Variants in ADAMTSL1 observed in about 807,000 individuals in gnomAD.
ADAMTSL1 encodes ADAMTS-like protein 1.
ADAMTSL1 carries 126 observed loss-of-function variants against 201.8 expected under a neutral mutation model. The ratio of observed to expected loss-of-function variants is 0.62; its 90% CI spans 0.54 to 0.72. The LOEUF (loss-of-function observed/expected upper bound fraction) is 0.72. Ranked by LOEUF, ADAMTSL1 falls within the 30% of genes least tolerant of loss-of-function variation. The probability of loss-of-function intolerance (pLI) is 0.00; values close to 1 mark genes in which losing one functional copy is unlikely to be tolerated. For synonymous variants in ADAMTSL1, 1,121 were observed against 903.4 expected (o/e 1.24, Z -4.32); for missense variants, 2,679 against 2,277.8 (o/e 1.18, Z -3.59).
At chr9:18,259,493 C>G (rs1002657151) in intron 2 of ADAMTSL1, among the ~76,000 whole-genome samples, 1 of 146,434 alleles carries the variant, frequency 6.8e-6, no homozygotes, top group Non-Finnish European at 1.5e-5. Context: ...GCCTGTATGA[C>G]AGAATAACTC....
intron 15 of ADAMTSL1, chr9:18,723,942 C>T (rs1008312952): frequency 4.6e-5 from 7 of 152,182 alleles, no homozygotes; most frequent in African/African-American, 1.7e-4. Context: ...TGTTTTCCCA[C>T]ACAACCCACA....
At chr9:18,834,678 T>C (rs1825201872) in intron 23 of ADAMTSL1, among the ~76,000 whole-genome samples, 1 of 152,134 alleles carries the variant, frequency 6.6e-6, no homozygotes, top group Non-Finnish European at 1.5e-5. Flanking sequence ...TGATCTGATT[T>C]ATGTCGGGGT....
chr9:18,598,029 C>T (rs1824377557), intron 4 of ADAMTSL1, among the ~76,000 whole-genome samples: 1 of 152,156 alleles, frequency 6.6e-6, no homozygotes, highest in Non-Finnish European at 1.5e-5. Context: ...TGTGGACTGA[C>T]TGCTTGTGAT....
chr9:18,767,780 A>T (rs541218139), intron 16 of ADAMTSL1, among the ~76,000 whole-genome samples: 1 of 152,324 alleles, frequency 6.6e-6, no homozygotes, highest in South Asian at 2.1e-4. Flanking sequence ...CTAAAATTAA[A>T]ATTTGCTTCT....
intron 1 of ADAMTSL1, among the ~76,000 whole-genome samples, chr9:17,930,389 T>C (rs1354550946): frequency 1.3e-5 from 2 of 152,170 alleles, no homozygotes; most frequent in African/African-American, 4.8e-5. Context: ...GCATCACTTC[T>C]GCCCACGTCT....
In ADAMTSL1 at chr9:18,910,190, T is replaced by A. The variant is rs902645189; in HGVS notation, c.*1642T>A. On this transcript the variant is annotated 3_prime_UTR_variant, in exon 29 of 29. Coordinates refer to ENST00000380548, the MANE Select transcript of ADAMTSL1 (RefSeq NM_001040272.6). ...CCCCACCTAGTGAGCTGTGGACAGG[T>A]TTAAGTTGGGTCTCCTTCTTCTTCA... The A allele has an allele frequency of 1.3e-5, 2 of 152,068 alleles. No homozygotes were observed. The highest frequency in any genetic ancestry group is 2.9e-5 in the Non-Finnish European group (2 of 68,016). The allele number at this position is 152,068 out of a possible 1,614,324, so 9.4% of individuals were successfully genotyped here.
chr9:18,317,685 C>T (rs1189823166), intron 2 of ADAMTSL1, among the ~76,000 whole-genome samples: 1 of 152,222 alleles, frequency 6.6e-6, no homozygotes, highest in African/African-American at 2.4e-5. Flanking sequence ...CTTCAGCACC[C>T]AGCCTGCTCA....
chr9:18,906,858 T>A lies in ADAMTSL1; in HGVS notation c.5128T>A (p.Trp1710Arg). 1 of 1,614,014 alleles carries A rather than the reference T, an allele frequency of 6.2e-7. No homozygotes were observed. Among genetic ancestry groups the A allele is most frequent in the Non-Finnish European group, 8.5e-7 (1 of 1,179,888 alleles). Residue 1710 changes from tryptophan to arginine, a missense_variant, in exon 28 of 29, where the codon TGG (tryptophan) becomes AGG (arginine). Trp to Arg is a moderately radical substitution (Grantham distance 101). Coordinates refer to ENST00000380548, the MANE Select transcript of ADAMTSL1 (RefSeq NM_001040272.6). ...GGCAGTGCCTGAGCACCTGTGCTCC[T>A]GGGGGCCCCGGCCTGCCAACTGGCA... ...NKAVPEHLCS[W>R]GPRPANWQRC... is the part of the protein sequence containing the mutation.
chr9:18,680,131 A>G (rs535620338), intron 10 of ADAMTSL1, among the ~76,000 whole-genome samples, 181 bp from the exon 11 acceptor site: 80 of 152,330 alleles, frequency 5.3e-4, no homozygotes, highest in African/African-American at 1.8e-3. Context: ...CCTTTTGCCA[A>G]TGTTGAATCC....
At chr9:18,275,088 T>A (rs1276434122) in intron 2 of ADAMTSL1, among the ~76,000 whole-genome samples, 2 of 152,168 alleles carry the variant, frequency 1.3e-5, no homozygotes, top group East Asian at 3.9e-4. Context: ...TTTGTCCATC[T>A]GGGCAAAATT....
intron 2 of ADAMTSL1, among the ~76,000 whole-genome samples, chr9:18,392,706 T>G (rs1290687606): frequency 6.6e-6 from 1 of 152,232 alleles, no homozygotes; most frequent in Non-Finnish European, 1.5e-5. Flanking sequence ...CTTGTAGAAT[T>G]ATGCAAAATA....
intron 3 of ADAMTSL1, among the ~76,000 whole-genome samples, chr9:18,573,664 TG>T (rs1484488713): frequency 1.3e-5 from 2 of 152,220 alleles, no homozygotes; most frequent in Admixed American, 6.5e-5. Context: ...ACTAATCCTC[TG>T]ACTTTACTAG....
chr9:17,977,607 G>A (rs1361187548), intron 1 of ADAMTSL1, among the ~76,000 whole-genome samples: 1 of 151,914 alleles, frequency 6.6e-6, no homozygotes, highest in Admixed American at 6.6e-5. Flanking sequence ...AGTCCCTTAT[G>A]ATTGATTCTT....
At chr9:18,881,266 A>G (rs1828517759) in intron 23 of ADAMTSL1, among the ~76,000 whole-genome samples, 1 of 152,246 alleles carries the variant, frequency 6.6e-6, no homozygotes, top group Non-Finnish European at 1.5e-5. Context: ...TTGGAGCAAG[A>G]GACCTGTCTT....
At position 18,262,906 on chromosome 9, in the gene ADAMTSL1, A is replaced by G. The variant is rs143462382; in HGVS notation, c.207+98925A>G. ...ACATCATTTGAACTAGTTGAGAGCA[A>G]AACTTGGAACTAGTAAGTGAAATAT... On this transcript the variant is annotated intron_variant, in intron 2 of 29. Transcript: ENST00000680146. Among the ~76,000 whole-genome samples the G allele has an allele frequency of 6.0e-3, 919 of 152,318 alleles. 10 individuals carry two copies. The highest frequency in any genetic ancestry group is 0.021 in the African/African-American group (893 of 41,566).
At chr9:18,898,978 G>T (rs1281901647) in intron 26 of ADAMTSL1, among the ~76,000 whole-genome samples, 1 of 152,104 alleles carries the variant, frequency 6.6e-6, no homozygotes, top group Non-Finnish European at 1.5e-5. Flanking sequence ...AAGAAAGCAA[G>T]CATATTCAAA....
intron 14 of ADAMTSL1, among the ~76,000 whole-genome samples, chr9:18,711,927 GGGTCCCT>G (rs1359561422): frequency 5.6e-5 from 8 of 142,968 alleles, no homozygotes; most frequent in Non-Finnish European, 9.5e-5. Flanking sequence ...CTCCTCAAGT[GGGTCCCT>G]GACCCCTGAC....
chr9:17,931,647 G>A (rs1467235776), intron 1 of ADAMTSL1, among the ~76,000 whole-genome samples: 3 of 152,058 alleles, frequency 2.0e-5, no homozygotes, highest in Non-Finnish European at 4.4e-5. Context: ...TCAGATCAGT[G>A]TTGTCCTGTT....
At position 18,101,782 on chromosome 9, in the gene ADAMTSL1, G is replaced by A. The variant is rs568187877; in HGVS notation, c.88-62080G>A. ...AGAAGACATGGTAGAGAATCCAGCC[G>A]GTCAGAAAAAGGAAGAGCAGCTGGC... On this transcript the variant is annotated intron_variant, in intron 1 of 29. Coordinates refer to the ADAMTSL1 transcript ENST00000680146. Among the ~76,000 whole-genome samples the A allele has an allele frequency of 3.7e-4, 56 of 152,258 alleles. 2 individuals are homozygous for A. Among genetic ancestry groups the A allele is most frequent in the Middle Eastern group, 6.8e-3 (2 of 294 alleles).
Sources: gnomAD v4.1 joint callset for allele counts (sites outside exome capture counted in the v4.1 genomes callset) on GRCh38, gnomAD v4.1.1 for gene constraint, MANE v1.5 for transcripts, NCBI Gene and HGNC (gene_info 2026-07-23, HGNC 2026-07-21) for gene names.